TENM1: variants seen among roughly 807,000 people sequenced by gnomAD.
TENM1 encodes teneurin-1.
TENM1 carries 35 observed loss-of-function variants against 174.8 expected under a neutral mutation model. The ratio of observed to expected loss-of-function variants is 0.20; its 90% CI spans 0.15 to 0.27. The LOEUF is 0.27. TENM1 is among the 10% of genes least tolerant of loss of function. The pLI, the probability that TENM1 is intolerant of heterozygous loss-of-function variation, is 1.00. For synonymous variants in TENM1, 781 were observed against 798.7 expected (o/e 0.98, Z 0.37); for missense variants, 1,633 against 2,130.1 (o/e 0.77, Z 4.59).
chrX:124,764,929 A>C (rs2054507779), intron 3 of TENM1, among the ~76,000 whole-genome samples: 1 of 110,116 alleles, frequency 9.1e-6, no homozygotes, highest in Non-Finnish European at 1.9e-5. Flanking sequence ...TTGACTTCCC[A>C]CCTTGAATGT....
chrX:124,973,957 G>A, the TENM1 span, among the ~76,000 whole-genome samples: 1 of 111,385 alleles, frequency 9.0e-6, no homozygotes. Flanking sequence ...GGGACCTGTC[G>A]GGGGAGTGGG....
chrX:124,854,516 T>C (rs1159634089), intron 3 of TENM1, among the ~76,000 whole-genome samples: 1 of 110,865 alleles, frequency 9.0e-6, no homozygotes, highest in Non-Finnish European at 1.9e-5. Flanking sequence ...AGAAAGAAAA[T>C]GGAGGCAGAT....
At chrX:125,182,914 CT>C in the TENM1 span, among the ~76,000 whole-genome samples, 3 of 112,049 alleles carry the variant, frequency 2.7e-5, no homozygotes, top group Non-Finnish European at 5.6e-5. Flanking sequence ...TGAACATACA[CT>C]ATTTAAAAAT....
intron 3 of TENM1, among the ~76,000 whole-genome samples, chrX:124,817,019 CTAA>C (rs1428173314): frequency 9.0e-6 from 1 of 110,703 alleles, no homozygotes; most frequent in Admixed American, 9.7e-5. Context: ...GGTATTTCTT[CTAA>C]TGTTATTCCT....
intron 20 of TENM1, among the ~76,000 whole-genome samples, chrX:124,490,793 C>T (rs982905165): frequency 9.0e-6 from 1 of 111,664 alleles, no homozygotes; most frequent in Non-Finnish European, 1.9e-5. Flanking sequence ...AATGAGTTTT[C>T]TAATAGAGTT....
intron 11 of TENM1, among the ~76,000 whole-genome samples, chrX:124,623,813 C>T (rs1347042096): frequency 9.0e-6 from 1 of 111,677 alleles, no homozygotes; most frequent in East Asian, 2.8e-4. Context: ...ACTGTCAAAG[C>T]GATTGAGGAT....
chrX:124,838,779 A>C (rs1309063863), intron 3 of TENM1, among the ~76,000 whole-genome samples: 5 of 111,172 alleles, frequency 4.5e-5, no homozygotes, highest in Admixed American at 9.6e-5. Flanking sequence ...CTCTCTCTCT[A>C]TATATACACA....
the TENM1 span, among the ~76,000 whole-genome samples, chrX:125,066,648 C>T: frequency 2.7e-5 from 3 of 111,505 alleles, no homozygotes; most frequent in Admixed American, 1.9e-4. Context: ...TCTATTGACA[C>T]TGTGTTAATT....
intron 23 of TENM1, among the ~76,000 whole-genome samples, chrX:124,436,062 C>T (rs754508856): frequency 9.0e-6 from 1 of 111,477 alleles, no homozygotes; most frequent in South Asian, 3.8e-4. Flanking sequence ...GACAAACAGT[C>T]CACTCTAATT....
chrX:124,785,514 C>T (rs775728487), intron 3 of TENM1, among the ~76,000 whole-genome samples: 3 of 111,863 alleles, frequency 2.7e-5, no homozygotes, highest in African/African-American at 9.7e-5. Context: ...ATTTGGTTTC[C>T]CATGTAGCTT....
intron 3 of TENM1, among the ~76,000 whole-genome samples, chrX:124,835,003 G>A (rs1414259621): frequency 8.9e-6 from 1 of 111,831 alleles, no homozygotes; most frequent in Non-Finnish European, 1.9e-5. Flanking sequence ...ATATAAGAGG[G>A]CCCTTCATAA....
chrX:124,963,737 C>T, exon 1 of TENM1: 1 of 1,210,612 alleles, frequency 8.3e-7, no homozygotes, highest in East Asian at 3.0e-5. Flanking sequence ...GTAGGGTTTG[C>T]AGTCAGTTTG....
At chrX:124,521,114 G>A (rs1218981503) in intron 17 of TENM1, among the ~76,000 whole-genome samples, 4 of 111,381 alleles carry the variant, frequency 3.6e-5, no homozygotes, top group African/African-American at 6.5e-5. Context: ...AGATCATACC[G>A]CTGAATGTCA....
chrX:125,120,014 A>G, the TENM1 span, among the ~76,000 whole-genome samples: 7 of 111,234 alleles, frequency 6.3e-5, no homozygotes, highest in Non-Finnish European at 1.1e-4. Context: ...GAATAAGAAA[A>G]TAATATAAAT....
chrX:124,791,408 C>T (rs962804191), intron 3 of TENM1, among the ~76,000 whole-genome samples: 2 of 111,613 alleles, frequency 1.8e-5, no homozygotes, highest in Non-Finnish European at 3.8e-5. Flanking sequence ...AAAGTTACCC[C>T]ATGAGGTGCC....
intron 5 of TENM1, among the ~76,000 whole-genome samples, chrX:124,684,047 C>T (rs2052300644): frequency 8.9e-6 from 1 of 112,033 alleles, no homozygotes; most frequent in African/African-American, 3.2e-5. Context: ...TAAATATCAG[C>T]TGCACCTTTC....
chrX:124,479,216 C>T (rs982727425), intron 22 of TENM1, among the ~76,000 whole-genome samples: 1 of 112,142 alleles, frequency 8.9e-6, no homozygotes, highest in Non-Finnish European at 1.9e-5. Flanking sequence ...TAGTGTGAAC[C>T]ACACATCCCA....
the TENM1 span, among the ~76,000 whole-genome samples, chrX:125,118,567 A>G: frequency 9.0e-6 from 1 of 111,476 alleles, no homozygotes; most frequent in Non-Finnish European, 1.9e-5. Context: ...ACTCAATAAT[A>G]AGAAGATAAA....
chrX:125,167,858 C>T, the TENM1 span, among the ~76,000 whole-genome samples: 15 of 111,878 alleles, frequency 1.3e-4, no homozygotes, highest in Non-Finnish European at 1.5e-4. Context: ...AGAGTCAGAC[C>T]TCCAAACCCT....
Sources: gnomAD v4.1 joint callset for allele counts (sites outside exome capture counted in the v4.1 genomes callset) on GRCh38, gnomAD v4.1.1 for gene constraint, MANE v1.5 for transcripts, NCBI Gene and HGNC (gene_info 2026-07-23, HGNC 2026-07-21) for gene names.